The following DMD variants were observed in gnomAD, a reference collection of about 807,000 sequenced individuals.
DMD encodes dystrophin, also known as mutant dystrophin.
Under a neutral mutation model 330.1 loss-of-function variants are expected in DMD, and 63 were observed. The observed-to-expected ratio is 0.19, with a 90% confidence interval of 0.16 to 0.24. The LOEUF (loss-of-function observed/expected upper bound fraction) is 0.24. Among genes scored for constraint, DMD ranks in the 10% least tolerant of loss-of-function variants. The pLI, the probability that DMD is intolerant of heterozygous loss-of-function variation, is 1.00. For missense variants in DMD, 3,344 were observed against 2,684.1 expected (o/e 1.25, Z -5.43); for synonymous variants, 1,223 against 959.8 (o/e 1.27, Z -5.07).
chrX:32,271,363 G>T (rs2148350776), intron 43 of DMD, among the ~76,000 whole-genome samples: 1 of 112,507 alleles, frequency 8.9e-6, no homozygotes, highest in Non-Finnish European at 1.9e-5. Context: ...AAACTACAAA[G>T]AATATTTTAA....
chrX:32,447,755 G>A (rs765085265), intron 27 of DMD, among the ~76,000 whole-genome samples: 69 of 111,716 alleles, frequency 6.2e-4, no homozygotes, highest in Non-Finnish European at 1.2e-3. Flanking sequence ...ATAAAGTTTT[G>A]TGCCCCTTGG....
At chrX:31,210,510 A>G (rs1602738511) in intron 64 of DMD, among the ~76,000 whole-genome samples, 1 of 112,320 alleles carries the variant, frequency 8.9e-6, no homozygotes. Flanking sequence ...CACAAGCTTT[A>G]TTCCCAAGTG....
chrX:31,480,260 A>G (rs1337453067), intron 57 of DMD, among the ~76,000 whole-genome samples: 1 of 111,593 alleles, frequency 9.0e-6, no homozygotes, highest in African/African-American at 3.3e-5. Context: ...TGTATGACAC[A>G]TTTATTAATA....
At chrX:33,227,888 A>T (rs1440061241) in intron 1 of DMD, among the ~76,000 whole-genome samples, 2 of 111,390 alleles carry the variant, frequency 1.8e-5, no homozygotes, top group Non-Finnish European at 3.8e-5. Flanking sequence ...TGAGAGTCAG[A>T]GCCTGTTAAT....
intron 7 of DMD, among the ~76,000 whole-genome samples, chrX:32,704,937 G>C (rs997043099): frequency 1.8e-5 from 2 of 112,100 alleles, no homozygotes; most frequent in African/African-American, 6.5e-5. Flanking sequence ...TTTGAGGCTT[G>C]CATACGAAGA....
chrX:32,064,457 T>A (rs2096247856), intron 44 of DMD, among the ~76,000 whole-genome samples: 1 of 111,187 alleles, frequency 9.0e-6, no homozygotes, highest in African/African-American at 3.3e-5. Flanking sequence ...AACTGTTAGA[T>A]CATTAATCCT....
intron 2 of DMD, among the ~76,000 whole-genome samples, chrX:32,999,591 C>T (rs2093218640): frequency 9.0e-6 from 1 of 110,747 alleles, no homozygotes; most frequent in Non-Finnish European, 1.9e-5. Context: ...TCCTGGCTAA[C>T]ATGGTGAAAC....
At chrX:33,082,784 CAT>C (rs1418909748) in intron 1 of DMD, among the ~76,000 whole-genome samples, 2 of 112,005 alleles carry the variant, frequency 1.8e-5, no homozygotes, top group African/African-American at 6.5e-5. Flanking sequence ...AGAGAAATTT[CAT>C]AGAGTATTGG....
chrX:31,286,757 T>G (rs1378600391), intron 62 of DMD, among the ~76,000 whole-genome samples: 4 of 112,323 alleles, frequency 3.6e-5, no homozygotes, highest in African/African-American at 1.3e-4. Context: ...CTACACGTTT[T>G]TTCTTTCTTT....
intron 17 of DMD, among the ~76,000 whole-genome samples, chrX:32,527,394 T>C (rs548926860): frequency 9.0e-6 from 1 of 111,566 alleles, no homozygotes; most frequent in South Asian, 3.7e-4. Context: ...TAATTCCATA[T>C]TACTATACAG....
intron 6 of DMD, among the ~76,000 whole-genome samples, chrX:32,815,968 G>A (rs2077727523): frequency 9.0e-6 from 1 of 111,048 alleles, no homozygotes; most frequent in Admixed American, 9.7e-5. Flanking sequence ...AAGTATACAG[G>A]GCTTTATGGT....
intron 9 of DMD, among the ~76,000 whole-genome samples, chrX:32,663,033 T>C (rs189067751): frequency 5.5e-4 from 61 of 111,876 alleles, no homozygotes; most frequent in African/African-American, 1.9e-3. Flanking sequence ...GAGTAATGCA[T>C]TACATTTGTT....
At chrX:31,517,232 G>T (rs937425749) in intron 55 of DMD, among the ~76,000 whole-genome samples, 1 of 111,857 alleles carries the variant, frequency 8.9e-6, no homozygotes, top group Non-Finnish European at 1.9e-5. Flanking sequence ...ATGAGATGAT[G>T]TGAGTAGATC....
At chrX:31,827,808 C>A (rs2092924263) in intron 49 of DMD, among the ~76,000 whole-genome samples, 1 of 111,704 alleles carries the variant, frequency 9.0e-6, no homozygotes, top group South Asian at 3.7e-4. Context: ...GAAATCTGCT[C>A]TTGAATGATT....
intron 50 of DMD, among the ~76,000 whole-genome samples, chrX:31,806,825 T>C (rs1016354398): frequency 1.8e-5 from 2 of 112,669 alleles, no homozygotes; most frequent in Non-Finnish European, 3.7e-5. Flanking sequence ...GTCAACAATA[T>C]CCATTATGAT....
chrX:31,399,529 C>T (rs2061091784), intron 60 of DMD, among the ~76,000 whole-genome samples: 1 of 110,492 alleles, frequency 9.1e-6, no homozygotes, highest in African/African-American at 3.3e-5. Context: ...GCCATGGTTC[C>T]AGGCTTTTTG....
intron 30 of DMD, among the ~76,000 whole-genome samples, chrX:32,394,923 A>AC (rs1569560907): frequency 0.024 from 2,200 of 92,603 alleles, 93 homozygotes; most frequent in African/African-American, 0.089. Context: ...AAACAAAAAA[A>AC]AAAAAAAAAA....
In DMD at chrX:32,721,505, GA is replaced by G. The variant is rs369487460; in HGVS notation, c.650-22213del. On this transcript the variant is annotated intron_variant, in intron 7 of 78. Coordinates refer to ENST00000357033, the MANE Select transcript of DMD (RefSeq NM_004006.3). ...TGTTGGCCGTTTGCACATCTTCTTT[GA>G]AAAAAAAAATGTTCAAGTTCTTTCC... is the stretch of plus-strand genomic sequence containing the variant. Among the ~76,000 whole-genome samples, 14 of 105,421 alleles carry G rather than the reference GA, an allele frequency of 1.3e-4. 1 individual carries two copies. Among genetic ancestry groups the G allele is most frequent in the South Asian group, 1.2e-3 (3 of 2,473 alleles). 91.5% of individuals were successfully genotyped at this position (105,421 alleles called of 115,157 possible).
chrX:32,563,987 T>G (rs140889923), intron 16 of DMD, among the ~76,000 whole-genome samples: 1,145 of 111,843 alleles, frequency 0.01, 14 homozygotes, highest in African/African-American at 0.035. Context: ...TCCAATAGTC[T>G]TATTTACTGC....
Sources: gnomAD v4.1 joint callset for allele counts (sites outside exome capture counted in the v4.1 genomes callset) on GRCh38, gnomAD v4.1.1 for gene constraint, MANE v1.5 for transcripts, NCBI Gene and HGNC (gene_info 2026-07-23, HGNC 2026-07-21) for gene names.